SIPA1L1: variants seen among roughly 807,000 people sequenced by gnomAD.
The protein encoded by SIPA1L1 is signal-induced proliferation-associated 1-like protein 1.
In SIPA1L1, 26 loss-of-function variants were observed where a neutral mutation model predicts 162.7. The observed-to-expected ratio is 0.16, with a 90% CI of 0.12 to 0.22. The LOEUF (loss-of-function observed/expected upper bound fraction) is 0.22. Ranked by LOEUF, SIPA1L1 falls within the 10% of genes least tolerant of loss-of-function variation. The probability of loss-of-function intolerance (pLI) is 1.00; values close to 1 mark genes in which losing one functional copy is unlikely to be tolerated. For missense variants in SIPA1L1, 1,874 were observed against 2,241.0 expected (o/e 0.84, Z 3.31); for synonymous variants, 829 against 837.4 (o/e 0.99, Z 0.17).
intron 17 of SIPA1L1, among the ~76,000 whole-genome samples, chr14:71,722,264 G>A (rs528819137): frequency 6.6e-6 from 1 of 152,246 alleles, no homozygotes; most frequent in South Asian, 2.1e-4. Context: ...TTTTTTGTGT[G>A]GATAGTTGTT....
intron 4 of SIPA1L1, among the ~76,000 whole-genome samples, chr14:71,547,170 T>A (rs1323951401): frequency 1.3e-5 from 2 of 152,104 alleles, no homozygotes; most frequent in Admixed American, 1.3e-4. Flanking sequence ...GTTATATGTG[T>A]TAGAAACTCA....
At chr14:71,548,907 G>A (rs867922235) in intron 4 of SIPA1L1, among the ~76,000 whole-genome samples, 8,525 of 134,888 alleles carry the variant, frequency 0.063, 524 homozygotes, top group African/African-American at 0.15. Flanking sequence ...AAAAAAAAAA[G>A]TGAAATGAAA....
At chr14:71,561,219 T>TTCC (rs2056763625) in intron 4 of SIPA1L1, among the ~76,000 whole-genome samples, 2 of 152,210 alleles carry the variant, frequency 1.3e-5, no homozygotes, top group African/African-American at 4.8e-5. Context: ...TCCCATGTAG[T>TTCC]ATAGTACTTT....
chr14:71,696,581 T>C (rs1166361645), intron 13 of SIPA1L1, among the ~76,000 whole-genome samples: 3 of 152,250 alleles, frequency 2.0e-5, no homozygotes, highest in South Asian at 2.1e-4. Context: ...GAACTCCTGA[T>C]TTGGGGCATC....
chr14:71,421,213 T>C (rs1030597985), intron 2 of SIPA1L1, among the ~76,000 whole-genome samples: 1 of 152,252 alleles, frequency 6.6e-6, no homozygotes, highest in African/African-American at 2.4e-5. Flanking sequence ...TTTCTATTAT[T>C]TACTCTTCTT....
At chr14:71,432,561 C>G (rs1221938052) in intron 2 of SIPA1L1, among the ~76,000 whole-genome samples, 2 of 152,084 alleles carry the variant, frequency 1.3e-5, no homozygotes, top group Admixed American at 6.6e-5. Flanking sequence ...TGTTTTATGA[C>G]TAGCTCTGAG....
At chr14:71,558,924 T>A (rs538466022) in intron 4 of SIPA1L1, among the ~76,000 whole-genome samples, 2 of 152,276 alleles carry the variant, frequency 1.3e-5, no homozygotes, top group South Asian at 4.1e-4. Context: ...CCTCAAGTGA[T>A]CCTCCTGCAT....
intron 2 of SIPA1L1, among the ~76,000 whole-genome samples, chr14:71,498,200 G>T (rs1229894735): frequency 6.6e-6 from 1 of 152,040 alleles, no homozygotes; most frequent in East Asian, 1.9e-4. Flanking sequence ...TCTTATTTTA[G>T]GTACACTTAA....
intron 4 of SIPA1L1, among the ~76,000 whole-genome samples, chr14:71,555,331 G>A (rs2056256906): frequency 6.6e-6 from 1 of 152,166 alleles, no homozygotes; most frequent in Non-Finnish European, 1.5e-5. Context: ...CTTCCTTCCC[G>A]AAACCTGATG....
chr14:71,713,109 G>A (rs1266258042), intron 17 of SIPA1L1, among the ~76,000 whole-genome samples: 2 of 152,180 alleles, frequency 1.3e-5, no homozygotes, highest in African/African-American at 4.8e-5. Flanking sequence ...AGTCCCAGCT[G>A]CTCAGGAGGC....
chr14:71,651,263 T>C (rs1375864150), intron 8 of SIPA1L1, among the ~76,000 whole-genome samples: 1 of 152,224 alleles, frequency 6.6e-6, no homozygotes, highest in Non-Finnish European at 1.5e-5. Context: ...AATTCATCCA[T>C]AGACACCTGT....
chr14:71,700,283 T>C (rs1389957353), intron 14 of SIPA1L1, among the ~76,000 whole-genome samples: 1 of 151,562 alleles, frequency 6.6e-6, no homozygotes, highest in Non-Finnish European at 1.5e-5. Flanking sequence ...TGTGGTCCCA[T>C]ATACTTGATA....
chr14:71,447,837 A>G (rs1310260222), intron 2 of SIPA1L1, among the ~76,000 whole-genome samples: 1 of 151,950 alleles, frequency 6.6e-6, no homozygotes, highest in Non-Finnish European at 1.5e-5. Flanking sequence ...CCAAAATGCT[A>G]GGATTACAGG....
In SIPA1L1 at chr14:71,739,102, G is replaced by T; in HGVS notation, c.5293G>T (p.Ala1765Ser). The change falls in exon 24 of 24, where the codon GCC becomes TCC. Residue 1765 changes from alanine (A) to serine (S), a missense_variant. Ala to Ser is a moderately conservative substitution (Grantham distance 99, BLOSUM62 1). This residue lies in a region of SIPA1L1 where 936 missense variants were observed against 1,051.9 expected (regional missense o/e 0.89). Transcript: ENST00000381232. ...NLRLQEESQN[A>S]SDKLKKFTEW... Reference sequence around the variant, plus strand: ...GAGGCTACAGGAGGAGTCCCAGAACGCCTCGGACAAGCTGAAGAAGTTCAC... The same window carrying T: ...GAGGCTACAGGAGGAGTCCCAGAACTCCTCGGACAAGCTGAAGAAGTTCAC... The T allele has an allele frequency of 6.2e-7, 1 of 1,614,020 alleles. No individual in the cohort carries two copies. The highest frequency in any genetic ancestry group is 1.1e-5 in the South Asian group (1 of 91,076).
At chr14:71,558,986 G>GC (rs2056573342) in intron 4 of SIPA1L1, among the ~76,000 whole-genome samples, 1 of 152,040 alleles carries the variant, frequency 6.6e-6, no homozygotes, top group South Asian at 2.1e-4. Flanking sequence ...ACTTGGCCTT[G>GC]CCGAAGCATT....
rs557403493 is a variant in SIPA1L1, at chr14:71,339,633, G to A, written c.-465+18452G>A. ...CCTGCCTCAGCCTGTAAAAGTGCTGGGATTATAGGCGTGAGCCACCGTGCC... is the reference window on the plus strand; with the variant it reads ...CCTGCCTCAGCCTGTAAAAGTGCTGAGATTATAGGCGTGAGCCACCGTGCC... On this transcript the variant is annotated intron_variant, in intron 2 of 23. Transcript: ENST00000381232. Among the ~76,000 whole-genome samples the A allele has an allele frequency of 2.0e-5, 3 of 152,218 alleles. No individual in the cohort carries two copies. The South Asian group carries it at 6.2e-4, about 32-fold the overall frequency.
chr14:71,406,758 C>T (rs1387553047), intron 2 of SIPA1L1, among the ~76,000 whole-genome samples: 1 of 152,050 alleles, frequency 6.6e-6, no homozygotes, highest in Non-Finnish European at 1.5e-5. Context: ...GGGCTATTCT[C>T]CTTTAATTTT....
intron 10 of SIPA1L1, among the ~76,000 whole-genome samples, chr14:71,668,790 T>C (rs574793634): frequency 6.6e-6 from 1 of 152,344 alleles, no homozygotes; most frequent in South Asian, 2.1e-4. Flanking sequence ...GCATGTATTA[T>C]TTCCAAGAAG....
At chr14:71,727,321 G>A (rs1697510426) in intron 19 of SIPA1L1, among the ~76,000 whole-genome samples, 1 of 152,070 alleles carries the variant, frequency 6.6e-6, no homozygotes, top group South Asian at 2.1e-4. Context: ...AAGAATGAGA[G>A]AACAGGAGAC....
Sources: gnomAD v4.1 joint callset for allele counts (sites outside exome capture counted in the v4.1 genomes callset) on GRCh38, gnomAD v4.1.1 for gene constraint, gnomAD v4.1.1 regional missense constraint, MANE v1.5 for transcripts, NCBI Gene and HGNC (gene_info 2026-07-23, HGNC 2026-07-21) for gene names.